The following RAB14 variants were observed in gnomAD, a reference collection of about 807,000 sequenced individuals.
RAB14 encodes ras-related protein Rab-14.
A neutral mutation model predicts 31.1 loss-of-function variants in RAB14; 3 were observed. The ratio of observed to expected loss-of-function variants is 0.10; its 90% CI spans 0.04 to 0.25. The LOEUF is 0.25. RAB14 is among the 10% of genes least tolerant of loss of function. The probability of loss-of-function intolerance (pLI) is 1.00; values close to 1 mark genes in which losing one functional copy is unlikely to be tolerated. For synonymous variants in RAB14, 85 were observed against 84.9 expected (o/e 1.00, Z 0.00); for missense variants, 111 against 260.1 (o/e 0.43, Z 3.94).
intron 4 of RAB14, 97 bp downstream of exon 4, chr9:121,190,457 T>C (rs1228134321): frequency 1.4e-5 from 16 of 1,127,038 alleles, no homozygotes; most frequent in Non-Finnish European, 1.9e-5. Context: ...TTCACAGTCA[T>C]ACAATTACAA....
intron 4 of RAB14, among the ~76,000 whole-genome samples, chr9:121,187,753 G>A (rs1267056629): frequency 2.0e-5 from 3 of 151,940 alleles, no homozygotes; most frequent in African/African-American, 7.2e-5. Flanking sequence ...CCAAATATTT[G>A]TAATATCATA....
rs2053630829 is a variant in RAB14 at position 121,181,122 on chromosome 9, T to C, written c.*274A>G. The C allele has an allele frequency of 3.5e-6, 1 of 285,174 alleles. No individual in the cohort carries two copies. Among genetic ancestry groups the C allele is most frequent in the Non-Finnish European group, 6.5e-6 (1 of 154,008 alleles). The allele number at this position is 285,174 out of a possible 1,614,324, so 17.7% of individuals were successfully genotyped here. ...CAGCATCAGTGCTCGGTTTAAATCA[T>C]ATATTGGTGACATACTTATCACGAG... is the stretch of plus-strand genomic sequence containing the variant. On this transcript the variant is annotated 3_prime_UTR_variant, in exon 8 of 8. Transcript: ENST00000373840.
intron 7 of RAB14, 125 bp downstream of exon 7, chr9:121,182,805 G>C: frequency 1.8e-6 from 1 of 567,898 alleles, no homozygotes; most frequent in South Asian, 5.8e-5. Context: ...TCTTCCTGCA[G>C]TAAGCATTAC....
chr9:121,195,069 T>C (rs929584599), intron 1 of RAB14, among the ~76,000 whole-genome samples: 4 of 152,114 alleles, frequency 2.6e-5, no homozygotes, highest in African/African-American at 9.7e-5. Context: ...ACAACTTTAT[T>C]CCCTTTTCCA....
chr9:121,186,417 T>C (rs1489505041), intron 5 of RAB14, among the ~76,000 whole-genome samples: 6 of 152,180 alleles, frequency 3.9e-5, no homozygotes, highest in African/African-American at 7.2e-5. Flanking sequence ...GAGTCTAGCA[T>C]GGTGGCTAGC....
rs56303323 is a variant in RAB14, at chr9:121,194,094, TCACACA to T, written c.-7-681_-7-676del. Among the ~76,000 whole-genome samples the T allele has an allele frequency of 7.3e-3, 1,007 of 138,886 alleles. 11 individuals carry two copies. Among genetic ancestry groups the T allele is most frequent in the African/African-American group, 0.023 (771 of 32,994 alleles). The allele number at this position is 138,886 out of a possible 152,430, so 91.1% of individuals were successfully genotyped here. A position where few individuals can be genotyped will look rare whatever the true frequency, so the allele number is the denominator to read the frequency against. The stretch of plus-strand genomic sequence containing the variant: ...TAATACAGGACTTGCAGATTATCAC[TCACACA>T]CACACACACACACACACACACACAC... On this transcript the variant is annotated intron_variant, in intron 1 of 7. Transcript: ENST00000373840.
At chr9:121,181,960 G>A (rs1388538147) in intron 7 of RAB14, among the ~76,000 whole-genome samples, 1 of 151,602 alleles carries the variant, frequency 6.6e-6, no homozygotes, top group Non-Finnish European at 1.5e-5. Flanking sequence ...GTTGGCCAGG[G>A]TGGTCTCGAT....
At chr9:121,199,245 T>A (rs540830902) in intron 1 of RAB14, among the ~76,000 whole-genome samples, 1 of 152,344 alleles carries the variant, frequency 6.6e-6, no homozygotes, top group South Asian at 2.1e-4. Context: ...CAAGTGTATA[T>A]TGATGAAGCA....
intron 2 of RAB14, 37 bp from the exon 3 acceptor site, chr9:121,192,261 A>C: frequency 6.7e-7 from 1 of 1,489,540 alleles, no homozygotes; most frequent in South Asian, 1.2e-5. Flanking sequence ...TGGCAATTAC[A>C]TTTCTCAATT....
At chr9:121,187,252 G>A (rs2053663504) in intron 4 of RAB14, among the ~76,000 whole-genome samples, 1 of 151,972 alleles carries the variant, frequency 6.6e-6, no homozygotes, top group South Asian at 2.1e-4. Flanking sequence ...CAGGTCAGGA[G>A]TAAATTGTTT....
rs904125068 is a variant in RAB14 at position 121,180,325 on chromosome 9, T to C, written c.*1071A>G. The C allele has an allele frequency of 2.0e-5, 3 of 152,668 alleles. No homozygotes were observed. The highest frequency in any genetic ancestry group is 2.9e-5 in the Non-Finnish European group (2 of 68,048). 9.5% of individuals were successfully genotyped at this position (152,668 alleles called of 1,614,324 possible). ...AATGTGCAATAGTAAACCCAGCCTT[T>C]TTTCTTTTTCTATACAGTAAGGCAA... On this transcript the variant is annotated 3_prime_UTR_variant, in exon 8 of 8. Transcript: ENST00000373840.
At position 121,201,823 on chromosome 9, in the gene RAB14, G is replaced by A. The variant is rs187287622; in HGVS notation, c.-192C>T. 6.6e-6 allele frequency: 1 copy of A among 152,508 alleles called. No individual in the cohort carries two copies. The allele number at this position is 152,508 out of a possible 1,614,324, so 9.4% of individuals were successfully genotyped here. ...TAGCGGCAGTAGCAGTGGCAGCGGTGACTGCTCCTGTGCTCCCTCAGTATC... is the reference window on the plus strand; with the variant it reads ...TAGCGGCAGTAGCAGTGGCAGCGGTAACTGCTCCTGTGCTCCCTCAGTATC... On this transcript the variant is annotated 5_prime_UTR_variant, in exon 1 of 8. Coordinates refer to ENST00000373840, the MANE Select transcript of RAB14 (RefSeq NM_016322.4).
intron 1 of RAB14, among the ~76,000 whole-genome samples, chr9:121,194,092 ACT>A (rs56136950): frequency 0.042 from 3,459 of 81,798 alleles, 96 homozygotes; most frequent in African/African-American, 0.087. Flanking sequence ...GCAGATTATC[ACT>A]CACACACACA....
intron 2 of RAB14, among the ~76,000 whole-genome samples, chr9:121,192,576 A>C (rs2053692937): frequency 6.6e-6 from 1 of 152,068 alleles, no homozygotes; most frequent in Non-Finnish European, 1.5e-5. Context: ...AAAGCAACAA[A>C]TTTCAAAAAC....
rs2053640925 is a variant in RAB14 at position 121,182,912 on chromosome 9, T to C, written c.470+18A>G. The C allele has an allele frequency of 1.9e-6, 3 of 1,598,190 alleles. No individual in the cohort carries two copies. Among genetic ancestry groups the C allele is most frequent in the Non-Finnish European group, 2.6e-6 (3 of 1,168,398 alleles). On this transcript the variant is annotated intron_variant, in intron 7 of 7. Transcript: ENST00000373840. ...AACTTGAATATAATTGAAATATCTG[T>C]ATTTTGGTCACACTTACGTTTTTGC... is the stretch of plus-strand genomic sequence containing the variant.
rs3838268 is a variant in RAB14, at chr9:121,181,744, CTTTTTTTTTT to C, written c.471-181_471-172del. 6.8e-4 allele frequency among the ~76,000 whole-genome samples: 70 copies of C among 102,946 alleles called. 2 individuals are homozygous for C. The highest frequency in any genetic ancestry group is 2.0e-3 in the African/African-American group (65 of 32,500). 67.5% of individuals were successfully genotyped at this position (102,946 alleles called of 152,430 possible). ...TAAGAGAACATGGAAAACTATTTTC[CTTTTTTTTTT>C]TTTTTTTTTTTTGAGACAGAGACTC... is the stretch of plus-strand genomic sequence containing the variant. On this transcript the variant is annotated intron_variant, in intron 7 of 7. Transcript: ENST00000373840.
At chr9:121,192,359 T>C (rs1223789457) in intron 2 of RAB14, 135 bp from the exon 3 acceptor site, 3 of 520,956 alleles carry the variant, frequency 5.8e-6, no homozygotes, top group Admixed American at 3.6e-5. Flanking sequence ...TACTTTATAA[T>C]GATTCAAAAG....
At chr9:121,192,821 T>C (rs2053694301) in intron 2 of RAB14, among the ~76,000 whole-genome samples, 1 of 152,190 alleles carries the variant, frequency 6.6e-6, no homozygotes, top group Admixed American at 6.5e-5. Flanking sequence ...CAAACTGTTC[T>C]AATGTGAACA....
chr9:121,187,780 A>G (rs2053665699), intron 4 of RAB14, among the ~76,000 whole-genome samples: 1 of 152,054 alleles, frequency 6.6e-6, no homozygotes, highest in Non-Finnish European at 1.5e-5. Context: ...AGAATCTACC[A>G]AAGGGGTCAA....
Sources: gnomAD v4.1 joint callset for allele counts (sites outside exome capture counted in the v4.1 genomes callset) on GRCh38, gnomAD v4.1.1 for gene constraint, MANE v1.5 for transcripts, NCBI Gene and HGNC (gene_info 2026-07-23, HGNC 2026-07-21) for gene names.